Variants in FBXL17 observed in about 807,000 individuals in gnomAD.
FBXL17 encodes F-box/LRR-repeat protein 17.
In FBXL17, 22 loss-of-function variants were observed where a neutral mutation model predicts 66.2. The observed-to-expected ratio is 0.33, with a 90% confidence interval of 0.24 to 0.47. FBXL17 has a LOEUF of 0.47. FBXL17 is among the 20% of genes least tolerant of loss of function. FBXL17 has a pLI of 1.00. For synonymous variants in FBXL17, 474 were observed against 400.5 expected, an observed-to-expected ratio of 1.18 and a Z score of -2.19; for missense variants, 878 against 948.2, an observed-to-expected ratio of 0.93 and a Z score of 0.97.
chr5:108,222,039 T>C (rs939613389), intron 5 of FBXL17, among the ~76,000 whole-genome samples: 1 of 152,220 alleles, frequency 6.6e-6, no homozygotes, highest in African/African-American at 2.4e-5. Flanking sequence ...TAGATTCTGA[T>C]TGTTGATAGA....
At chr5:108,227,559 A>G (rs1035646382) in intron 4 of FBXL17, among the ~76,000 whole-genome samples, 12 of 152,234 alleles carry the variant, frequency 7.9e-5, no homozygotes, top group Non-Finnish European at 4.4e-5. Flanking sequence ...CTTTGGCATT[A>G]GCTTTAGCAT....
chr5:107,874,349 G>A (rs1748549291), intron 8 of FBXL17, among the ~76,000 whole-genome samples: 1 of 152,182 alleles, frequency 6.6e-6, no homozygotes, highest in African/African-American at 2.4e-5. Flanking sequence ...ATGTATATGT[G>A]AATAAATATA....
chr5:107,905,701 G>A (rs1749732152), intron 7 of FBXL17, among the ~76,000 whole-genome samples: 1 of 152,168 alleles, frequency 6.6e-6, no homozygotes, highest in African/African-American at 2.4e-5. Context: ...TGGATATACA[G>A]ATGAAGCTAT....
At chr5:107,923,416 A>G (rs1186713286) in intron 7 of FBXL17, among the ~76,000 whole-genome samples, 4 of 152,086 alleles carry the variant, frequency 2.6e-5, no homozygotes, top group African/African-American at 9.7e-5. Flanking sequence ...CTAAGAAAAT[A>G]GGGTTTCTTT....
rs907104818 is a variant in FBXL17, at chr5:108,381,809, C to T, written c.-118G>A. On this transcript the variant is annotated 5_prime_UTR_variant, in exon 1 of 9. Transcript: ENST00000542267. The stretch of plus-strand genomic sequence containing the variant: ...GCCCCCGGAGGGGTCGCCCTTCCTG[C>T]GCACACACACGCACACACGGGCACA... 3.0e-6 allele frequency: 4 copies of T among 1,335,208 alleles called. No individual in the cohort carries two copies. The highest frequency in any genetic ancestry group is 2.9e-6 in the Non-Finnish European group (3 of 1,045,802). The allele number at this position is 1,335,208 out of a possible 1,614,324, so 82.7% of individuals were successfully genotyped here.
intron 7 of FBXL17, among the ~76,000 whole-genome samples, chr5:107,995,146 A>G (rs1382193868): frequency 6.6e-6 from 1 of 152,208 alleles, no homozygotes; most frequent in Non-Finnish European, 1.5e-5. Flanking sequence ...AAAGATTTTT[A>G]AAGCAGAAAA....
chr5:108,208,968 G>T (rs1470430943), intron 5 of FBXL17, among the ~76,000 whole-genome samples: 1 of 152,124 alleles, frequency 6.6e-6, no homozygotes, highest in Non-Finnish European at 1.5e-5. Flanking sequence ...CCATTTGTTT[G>T]TGTCCTCTGT....
chr5:108,013,856 C>G (rs1227216817), intron 7 of FBXL17, among the ~76,000 whole-genome samples: 1 of 152,070 alleles, frequency 6.6e-6, no homozygotes, highest in Non-Finnish European at 1.5e-5. Context: ...ATAGAGAACT[C>G]ACTACCACTC....
chr5:108,212,564 C>G (rs923269914), intron 5 of FBXL17, among the ~76,000 whole-genome samples: 38 of 152,198 alleles, frequency 2.5e-4, no homozygotes, highest in African/African-American at 8.9e-4. Context: ...TTCTGACAGT[C>G]AGGCCCCTCT....
chr5:107,985,054 T>C (rs149862170), intron 7 of FBXL17, among the ~76,000 whole-genome samples: 50 of 152,286 alleles, frequency 3.3e-4, no homozygotes, highest in South Asian at 8.3e-4. Flanking sequence ...TTTGAAAATG[T>C]CAAGTTCATT....
intron 6 of FBXL17, among the ~76,000 whole-genome samples, chr5:108,041,132 A>G (rs1444727647): frequency 6.6e-6 from 1 of 152,166 alleles, no homozygotes; most frequent in Non-Finnish European, 1.5e-5. Context: ...CTTGAGTTCA[A>G]TTATTTTAAT....
At chr5:108,331,943 G>T (rs1287016933) in intron 4 of FBXL17, among the ~76,000 whole-genome samples, 1 of 152,200 alleles carries the variant, frequency 6.6e-6, no homozygotes, top group East Asian at 1.9e-4. Context: ...ATAATTTGAT[G>T]TGAAAATATA....
intron 4 of FBXL17, among the ~76,000 whole-genome samples, chr5:108,270,272 A>G (rs1757212242): frequency 6.6e-6 from 1 of 151,942 alleles, no homozygotes. Flanking sequence ...TACCCTACAA[A>G]AAAGTGAAGG....
intron 7 of FBXL17, among the ~76,000 whole-genome samples, chr5:107,946,605 C>G (rs1331948400): frequency 6.6e-6 from 1 of 151,804 alleles, no homozygotes; most frequent in East Asian, 1.9e-4. Context: ...CAGCTTCCAG[C>G]TAATCTCATT....
chr5:108,217,495 C>T (rs111655668), intron 5 of FBXL17, among the ~76,000 whole-genome samples: 3 of 151,912 alleles, frequency 2.0e-5, no homozygotes, highest in Non-Finnish European at 4.4e-5. Context: ...CTTATCAAAT[C>T]GCTAGCTTTT....
chr5:108,107,307 G>A (rs1749839712), intron 6 of FBXL17, among the ~76,000 whole-genome samples: 1 of 152,078 alleles, frequency 6.6e-6, no homozygotes, highest in Non-Finnish European at 1.5e-5. Context: ...CCCGACCTCA[G>A]GTGATCCACC....
rs1277833475 is a variant in FBXL17 at position 107,859,809 on chromosome 5, A to T, written c.*1911T>A. On this transcript the variant is annotated 3_prime_UTR_variant, in exon 9 of 9. Transcript: ENST00000542267. ...AAACTTTTGCATATTCACTCAAGCT[A>T]CTATTACTATACATACTGTCTTATA... 3 of 152,118 alleles carry T rather than the reference A, an allele frequency of 2.0e-5. No homozygotes were observed. The highest frequency in any genetic ancestry group is 7.2e-5 in the African/African-American group (3 of 41,430). 9.4% of individuals were successfully genotyped at this position (152,118 alleles called of 1,614,324 possible). A position where few individuals can be genotyped will look rare whatever the true frequency, so the allele number is the denominator to read the frequency against.
chr5:108,187,665 T>G (rs1753293192), intron 5 of FBXL17, among the ~76,000 whole-genome samples: 1 of 152,178 alleles, frequency 6.6e-6, no homozygotes, highest in Non-Finnish European at 1.5e-5. Context: ...CGGGAAGAGA[T>G]AAGGACCTCA....
rs1438392177 is a variant in FBXL17 at position 108,298,723 on chromosome 5, C to G, written c.1506+49676G>C. 3.9e-6 allele frequency: 3 copies of G among 764,262 alleles called. No homozygotes were observed. The African/African-American group carries it at 5.7e-5, about 15-fold the overall frequency. 47.3% of individuals were successfully genotyped at this position (764,262 alleles called of 1,614,324 possible). A position where few individuals can be genotyped will look rare whatever the true frequency, so the allele number is the denominator to read the frequency against. ...TAAAAGTATCAAAGTCTTATAATTC[C>G]TAATTCAATTTAATTTTTAAATCCA... On this transcript the variant is annotated intron_variant, in intron 4 of 8. Transcript: ENST00000542267.
Sources: allele counts gnomAD v4.1 joint callset (sites outside exome capture counted in the v4.1 genomes callset), GRCh38; gene constraint gnomAD v4.1.1; transcripts MANE v1.5; gene names NCBI Gene and HGNC (gene_info 2026-07-23, HGNC 2026-07-21).